The following BEAN1 variants were observed in gnomAD, a reference collection of about 807,000 sequenced individuals.
BEAN1 encodes the protein protein BEAN1.
In BEAN1, 17 loss-of-function variants were observed where a neutral mutation model predicts 17.7. The observed-to-expected ratio is 0.96, with a 90% CI of 0.66 to 1.44. The LOEUF (loss-of-function observed/expected upper bound fraction) is 1.44, where lower values mean the gene tolerates loss of function less well. Among genes scored for constraint, BEAN1 ranks in the 40% most tolerant of loss-of-function variants. The pLI is 0.00. For synonymous variants in BEAN1, 142 were observed against 151.8 expected (o/e 0.94, Z 0.47); for missense variants, 359 against 374.1 (o/e 0.96, Z 0.33).
chr16:66,491,029 C>G (rs370272440), intron 4 of BEAN1, among the ~76,000 whole-genome samples: 8 of 152,220 alleles, frequency 5.3e-5, no homozygotes, highest in African/African-American at 1.2e-4. Flanking sequence ...ATCCAGCCCC[C>G]CCGAAGCCAC....
intron 2 of BEAN1, among the ~76,000 whole-genome samples, chr16:66,462,493 A>G (rs963788688): frequency 2.6e-5 from 4 of 152,318 alleles, no homozygotes; most frequent in Admixed American, 6.5e-5. Flanking sequence ...GGCGCTGCAG[A>G]TTCATGCAAT....
At chr16:66,456,082 C>T (rs982721712) in intron 2 of BEAN1, among the ~76,000 whole-genome samples, 1 of 152,204 alleles carries the variant, frequency 6.6e-6, no homozygotes, top group Admixed American at 6.5e-5. Flanking sequence ...GAAGGAGGCT[C>T]AGTCACTGTG....
At position 66,480,700 on chromosome 16, in the gene BEAN1, C is replaced by T. The variant is rs1449470698; in HGVS notation, c.555C>T (p.Gly185=). 5 of 1,551,532 alleles carry T rather than the reference C, an allele frequency of 3.2e-6. No individual in the cohort carries two copies. In the Admixed American group the frequency reaches 9.8e-5, roughly 30 times the overall value. Residue 185 remains glycine (G), a synonymous_variant, in exon 5 of 5, where the codon GGC becomes GGT. Transcript: ENST00000536005. The part of the protein sequence containing the change: ...CPTLDGTSDS[G]SGHSPGRHQQ... ...CGCTGGATGGCACCTCCGACTCAGG[C>T]AGCGGCCACAGCCCTGGCCGACACC...
intron 2 of BEAN1, 98 bp from the exon 3 acceptor site, chr16:66,469,504 T>C: frequency 7.3e-7 from 1 of 1,362,834 alleles, no homozygotes; most frequent in Non-Finnish European, 9.9e-7. Context: ...CTCCTCCATT[T>C]ATTTAGGGAG....
intron 2 of BEAN1, 37 bp downstream of exon 2, chr16:66,437,738 C>T: frequency 6.6e-7 from 1 of 1,524,294 alleles, no homozygotes. Context: ...CCACTTGGGG[C>T]CAGGCAAGGG....
chr16:66,436,724 A>G (rs543844026), intron 1 of BEAN1, among the ~76,000 whole-genome samples: 1 of 152,070 alleles, frequency 6.6e-6, no homozygotes, highest in African/African-American at 2.4e-5. Flanking sequence ...TACAGGTGTG[A>G]GCCATTGCAC....
chr16:66,477,601 C>T lies in BEAN1; in HGVS notation c.331C>T (p.Arg111Cys), dbSNP rs555774743. 2.4e-5 allele frequency: 37 copies of T among 1,550,244 alleles called. No homozygotes were observed. The highest frequency in any genetic ancestry group is 2.0e-4 in the Admixed American group (10 of 50,852). Reference protein sequence around the residue: ...HTYSRSSRRMRYACSSSEDWP... With the variant: ...HTYSRSSRRMCYACSSSEDWP... ...ATACAGCCGCTCAAGCCGCAGGATG[C>T]GCTATGCCTGCAGCTCCTCAGAGGA... Residue 111 changes from arginine (R) to cysteine (C), a missense_variant, in exon 4 of 5, where the codon CGC becomes TGC. Arg to Cys is a radical substitution (Grantham distance 180, BLOSUM62 -3). Coordinates refer to ENST00000536005, the MANE Select transcript of BEAN1 (RefSeq NM_001178020.3).
At chr16:66,485,164 G>A, downstream of BEAN1, 3 of 451,072 alleles carry the variant, frequency 6.7e-6, no homozygotes, top group Non-Finnish European at 1.3e-5. Flanking sequence ...TGTCACACTG[G>A]CCAAGCCCAC....
chr16:66,437,349 A>T (rs549192533), intron 1 of BEAN1, among the ~76,000 whole-genome samples: 5 of 152,166 alleles, frequency 3.3e-5, no homozygotes, highest in African/African-American at 9.6e-5. Context: ...CCCAAGAGAG[A>T]TATCTCCTCC....
intron 4 of BEAN1, among the ~76,000 whole-genome samples, chr16:66,489,350 C>A (rs1372356808): frequency 6.6e-6 from 1 of 152,178 alleles, no homozygotes; most frequent in African/African-American, 2.4e-5. Context: ...CAGATTTGGA[C>A]AAGTGATGGG....
intron 3 of BEAN1, 83 bp from the exon 4 acceptor site, chr16:66,477,477 T>A (rs1963794525): frequency 2.2e-6 from 3 of 1,343,496 alleles, no homozygotes; most frequent in East Asian, 5.8e-5. Context: ...AGAGCCTCCA[T>A]GGCCCCAGGT....
chr16:66,436,469 G>A (rs1243901876), intron 1 of BEAN1, among the ~76,000 whole-genome samples: 2 of 149,900 alleles, frequency 1.3e-5, no homozygotes, highest in East Asian at 1.9e-4. Flanking sequence ...TAGTAGAGAC[G>A]GGGTTTCACC....
At chr16:66,484,828 G>T (rs756005313), downstream of BEAN1, 1 of 454,114 alleles carries the variant, frequency 2.2e-6, no homozygotes, top group Admixed American at 2.3e-5. This position sits in a 1 kb window ranked among gnomAD's most constrained non-coding sequence, Gnocchi z 4.2. Flanking sequence ...TGGGAGAGAC[G>T]GGTTGTTTGT....
At chr16:66,487,573 C>T (rs1321839205), downstream of BEAN1, among the ~76,000 whole-genome samples, 2 of 152,198 alleles carry the variant, frequency 1.3e-5, no homozygotes, top group Admixed American at 1.3e-4. Flanking sequence ...CCAGCATCCC[C>T]ATCCAGCTCC....
At chr16:66,460,917 T>C (rs182561577) in intron 2 of BEAN1, among the ~76,000 whole-genome samples, 33 of 152,346 alleles carry the variant, frequency 2.2e-4, no homozygotes, top group Admixed American at 1.7e-3. Context: ...AATCCCATTA[T>C]AGACCATCAT....
chr16:66,440,585 CTG>C (rs1962218350), intron 2 of BEAN1, among the ~76,000 whole-genome samples: 1 of 152,208 alleles, frequency 6.6e-6, no homozygotes, highest in Non-Finnish European at 1.5e-5. Flanking sequence ...CTCCCTGCAC[CTG>C]CCCTGGGATG....
intron 1 of BEAN1, among the ~76,000 whole-genome samples, chr16:66,429,377 G>A (rs941400995): frequency 1.3e-5 from 2 of 152,228 alleles, no homozygotes; most frequent in Non-Finnish European, 2.9e-5. Context: ...AGTCTGTGTG[G>A]CTGGGACCTT....
At chr16:66,441,140 G>A (rs901010610) in intron 2 of BEAN1, among the ~76,000 whole-genome samples, 18 of 152,150 alleles carry the variant, frequency 1.2e-4, no homozygotes, top group Non-Finnish European at 2.6e-4. Flanking sequence ...TTCCCAGTTC[G>A]CCCGCACCAC....
At chr16:66,493,307 C>A (rs1161278505) in exon 5 of BEAN1, 1 of 700,252 alleles carries the variant, frequency 1.4e-6, no homozygotes, top group East Asian at 2.7e-5. Flanking sequence ...ACAGCAAGGT[C>A]CCTCAGAAGG....
Sources: allele counts gnomAD v4.1 joint callset (sites outside exome capture counted in the v4.1 genomes callset), GRCh38; gene constraint gnomAD v4.1.1; non-coding constraint Gnocchi (gnomAD v3.1); transcripts MANE v1.5; gene names NCBI Gene and HGNC (gene_info 2026-07-23, HGNC 2026-07-21).